Variants in GALNT13 observed in about 807,000 individuals in gnomAD.
GALNT13 encodes UDP-GalNAc:polypeptide N-acetylgalactosaminyltransferase 13.
Under a neutral mutation model 64.2 loss-of-function variants are expected in GALNT13, and 28 were observed. The ratio of observed to expected loss-of-function variants is 0.44; its 90% CI spans 0.32 to 0.60. The LOEUF is 0.60. Ranked by LOEUF, GALNT13 falls within the 20% of genes least tolerant of loss-of-function variation. The pLI is 0.05. For missense variants in GALNT13, 577 were observed against 669.8 expected, an observed-to-expected ratio of 0.86 and a Z score of 1.53; for synonymous variants, 214 against 224.6, an observed-to-expected ratio of 0.95 and a Z score of 0.42.
chr2:154,309,539 G>A (rs1259518453), intron 9 of GALNT13, among the ~76,000 whole-genome samples: 2 of 152,176 alleles, frequency 1.3e-5, no homozygotes, highest in Non-Finnish European at 2.9e-5. Context: ...AAGGGGAAAT[G>A]GGTATGTGCA....
intron 9 of GALNT13, among the ~76,000 whole-genome samples, chr2:154,357,791 A>G (rs895750151): frequency 6.6e-6 from 1 of 152,094 alleles, no homozygotes; most frequent in African/African-American, 2.4e-5. Flanking sequence ...TGTAGATAAC[A>G]TCGGTCTTTC....
the GALNT13 span, among the ~76,000 whole-genome samples, chr2:153,688,125 G>A: frequency 6.6e-6 from 1 of 151,788 alleles, no homozygotes; most frequent in Non-Finnish European, 1.5e-5. Flanking sequence ...TCTACTTCCT[G>A]TTTTTTATAA....
chr2:154,377,983 A>C (rs185666358), intron 9 of GALNT13, among the ~76,000 whole-genome samples: 1 of 152,226 alleles, frequency 6.6e-6, no homozygotes, highest in African/African-American at 2.4e-5. Context: ...TTTGGAGTGC[A>C]TTCCTTTTTG....
At chr2:153,251,707 G>A in the GALNT13 span, among the ~76,000 whole-genome samples, 2 of 147,598 alleles carry the variant, frequency 1.4e-5, no homozygotes, top group African/African-American at 5.0e-5. Context: ...ACGTATGAGT[G>A]AGAATATGCG....
At chr2:153,831,215 A>G in the GALNT13 span, among the ~76,000 whole-genome samples, 6 of 152,102 alleles carry the variant, frequency 3.9e-5, no homozygotes, top group South Asian at 1.0e-3. Context: ...TTTCAGTTCA[A>G]CTTAAGTTAT....
At chr2:154,151,020 T>C (rs1441592352) in intron 4 of GALNT13, among the ~76,000 whole-genome samples, 2 of 152,186 alleles carry the variant, frequency 1.3e-5, no homozygotes, top group Non-Finnish European at 2.9e-5. Flanking sequence ...AATTGTGATG[T>C]TAGGGGGTCA....
rs540067593 is a variant in GALNT13 at position 154,195,726 on chromosome 2, T to C, written c.312-46304T>C. 3.5e-4 allele frequency among the ~76,000 whole-genome samples: 54 copies of C among 152,152 alleles called. 1 individual carries two copies. In the South Asian group the frequency reaches 8.1e-3, roughly 23 times the overall value. ...TCTTCAAATTTTGAAAAAAAAAATA[T>C]TAGCTATGGGGCTTAAATGAACTAC... On this transcript the variant is annotated intron_variant, in intron 4 of 12. Coordinates refer to ENST00000392825, the MANE Select transcript of GALNT13 (RefSeq NM_052917.4).
chr2:153,673,314 A>G, the GALNT13 span, among the ~76,000 whole-genome samples: 95 of 152,308 alleles, frequency 6.2e-4, no homozygotes, highest in South Asian at 4.4e-3. Flanking sequence ...CCTCAATAAA[A>G]TACTGGCAAA....
intron 9 of GALNT13, among the ~76,000 whole-genome samples, chr2:154,361,167 G>T (rs1438141243): frequency 6.6e-6 from 1 of 152,006 alleles, no homozygotes. Context: ...TGTTTATAAA[G>T]ATTTTATTGA....
At chr2:153,576,615 C>A in the GALNT13 span, among the ~76,000 whole-genome samples, 1 of 152,172 alleles carries the variant, frequency 6.6e-6, no homozygotes, top group Non-Finnish European at 1.5e-5. Context: ...CCATGCAGCC[C>A]CTGCTGGGGG....
intron 3 of GALNT13, among the ~76,000 whole-genome samples, chr2:154,075,347 C>CT (rs2105399613): frequency 6.6e-6 from 1 of 151,804 alleles, no homozygotes; most frequent in South Asian, 2.1e-4. Context: ...TCAAAGGGTC[C>CT]TTTCTTTTCC....
chr2:154,217,873 T>G (rs1011689972), intron 4 of GALNT13, among the ~76,000 whole-genome samples: 2 of 152,150 alleles, frequency 1.3e-5, no homozygotes, highest in Non-Finnish European at 2.9e-5. Flanking sequence ...TATATGCACT[T>G]AATCACCTCT....
the GALNT13 span, among the ~76,000 whole-genome samples, chr2:153,767,299 T>G: frequency 6.6e-6 from 1 of 152,162 alleles, no homozygotes; most frequent in African/African-American, 2.4e-5. Context: ...TTTTTATGGC[T>G]GGGTAGTATT....
the GALNT13 span, among the ~76,000 whole-genome samples, chr2:153,789,481 C>T: frequency 2.6e-5 from 4 of 151,880 alleles, no homozygotes; most frequent in Admixed American, 1.3e-4. Context: ...ATGCCCACAC[C>T]AAAAAGTCAG....
chr2:153,358,227 A>G, the GALNT13 span, among the ~76,000 whole-genome samples: 16 of 152,230 alleles, frequency 1.1e-4, no homozygotes, highest in Non-Finnish European at 2.1e-4. Flanking sequence ...TGTTTGAAAA[A>G]TAACATAATT....
chr2:154,207,336 C>T (rs146541966), intron 4 of GALNT13, among the ~76,000 whole-genome samples: 7 of 152,124 alleles, frequency 4.6e-5, no homozygotes, highest in African/African-American at 9.7e-5. Context: ...TTTTGTTGCT[C>T]TCCTATTAAT....
intron 4 of GALNT13, among the ~76,000 whole-genome samples, chr2:154,216,831 A>G (rs1373671647): frequency 9.8e-6 from 1 of 102,382 alleles, no homozygotes; most frequent in Non-Finnish European, 1.8e-5. Context: ...TTTTTTTGAG[A>G]CAGGGTCTTT....
chr2:154,295,348 TTTTATTTA>T (rs10530260), intron 8 of GALNT13, among the ~76,000 whole-genome samples: 14 of 142,258 alleles, frequency 9.8e-5, no homozygotes, highest in Admixed American at 8.5e-4. Flanking sequence ...ATTCTTTTTA[TTTTATTTA>T]TTTATTTATT....
chr2:154,377,048 A>G (rs1698032166), intron 9 of GALNT13, among the ~76,000 whole-genome samples: 1 of 152,160 alleles, frequency 6.6e-6, no homozygotes, highest in Non-Finnish European at 1.5e-5. Flanking sequence ...CCTAGTTCAG[A>G]TATATCTTTA....
Sources: allele counts gnomAD v4.1 joint callset (sites outside exome capture counted in the v4.1 genomes callset), GRCh38; gene constraint gnomAD v4.1.1; transcripts MANE v1.5; gene names NCBI Gene and HGNC (gene_info 2026-07-23, HGNC 2026-07-21).